The following MARCHF10 variants were observed in gnomAD, a reference collection of about 807,000 sequenced individuals.
MARCHF10 encodes probable E3 ubiquitin-protein ligase MARCHF10.
A neutral mutation model predicts 76.2 loss-of-function variants in MARCHF10; 64 were observed. The ratio of observed to expected loss-of-function variants is 0.84; its 90% CI spans 0.69 to 1.03. The LOEUF (loss-of-function observed/expected upper bound fraction) is 1.03, where lower values mean the gene tolerates loss of function less well. MARCHF10 is among the 50% of genes least tolerant of loss of function. The probability of loss-of-function intolerance (pLI) is 0.00; values close to 1 mark genes in which losing one functional copy is unlikely to be tolerated. For synonymous variants in MARCHF10, 340 were observed against 357.5 expected (o/e 0.95, Z 0.55); for missense variants, 875 against 958.0 (o/e 0.91, Z 1.14).
At chr17:62,766,840 G>C (rs1288566894) in intron 3 of MARCHF10, among the ~76,000 whole-genome samples, 1 of 150,202 alleles carries the variant, frequency 6.7e-6, no homozygotes, top group Non-Finnish European at 1.5e-5. Flanking sequence ...AGCTGACAAG[G>C]AGAGAGATAA....
intron 8 of MARCHF10, among the ~76,000 whole-genome samples, chr17:62,716,391 A>G (rs1379491390): frequency 2.0e-5 from 3 of 151,696 alleles, no homozygotes; most frequent in South Asian, 2.1e-4. Context: ...CAAGATTTTG[A>G]GACCAGCCTG....
At chr17:62,720,172 G>T (rs2090412160) in intron 8 of MARCHF10, among the ~76,000 whole-genome samples, 1 of 152,158 alleles carries the variant, frequency 6.6e-6, no homozygotes, top group Non-Finnish European at 1.5e-5. Context: ...TCTGAGTCTG[G>T]TTCTGGTGTT....
chr17:62,737,095 G>A lies in MARCHF10; in HGVS notation c.773C>T (p.Pro258Leu). The A allele has an allele frequency of 6.2e-7, 1 of 1,614,054 alleles. No individual in the cohort carries two copies. The highest frequency in any genetic ancestry group is 8.5e-7 in the Non-Finnish European group (1 of 1,180,018). The change falls in exon 6 of 11, where the codon CCC (proline) becomes CTC (leucine). Residue 258 changes from proline (P) to leucine (L), a missense_variant. Coordinates refer to ENST00000311269, the MANE Select transcript of MARCHF10 (RefSeq NM_152598.4). ...LSEFSGPPLT[P>L]TTVGGPRKAS... The stretch of plus-strand genomic sequence containing the variant: ...CTTTCTTGGCCCTCCTACAGTGGTG[G>A]GTGTGAGTGGTGGCCCCGAGAACTC...
chr17:62,798,153 A>G (rs2093015403), intron 2 of MARCHF10, among the ~76,000 whole-genome samples: 1 of 152,166 alleles, frequency 6.6e-6, no homozygotes. Context: ...TGGTGGTTGA[A>G]CCATAGCAGA....
intron 8 of MARCHF10, among the ~76,000 whole-genome samples, chr17:62,713,146 G>C (rs968798765): frequency 6.6e-6 from 1 of 152,096 alleles, no homozygotes; most frequent in Non-Finnish European, 1.5e-5. Flanking sequence ...TCCTCACCTG[G>C]CTTTTAGCTC....
chr17:62,721,380 CTG>C lies in MARCHF10; in HGVS notation c.2214+1106_2214+1107del, dbSNP rs564256624. On this transcript the variant is annotated intron_variant, in intron 8 of 10. Transcript: ENST00000311269. ...ATTACCCCCCTTTTTTTTTTTGGTA[CTG>C]TGTCTTTGAAATTTGGTGTGTATGT... is the stretch of plus-strand genomic sequence containing the variant. 2.8e-4 allele frequency among the ~76,000 whole-genome samples: 42 copies of C among 149,748 alleles called. No homozygotes were observed. The East Asian group carries it at 7.1e-3, about 25-fold the overall frequency.
chr17:62,756,122 T>C (rs1193676177), intron 4 of MARCHF10, among the ~76,000 whole-genome samples: 1 of 152,064 alleles, frequency 6.6e-6, no homozygotes, highest in Non-Finnish European at 1.5e-5. Context: ...GTGGCGCATG[T>C]CTGTAATCCC....
At chr17:62,745,275 C>T (rs756144828) in intron 4 of MARCHF10, among the ~76,000 whole-genome samples, 5 of 151,456 alleles carry the variant, frequency 3.3e-5, no homozygotes, top group East Asian at 2.0e-4. Flanking sequence ...AGCTAATTTT[C>T]GTATTTTTAG....
rs182799313 is a variant in MARCHF10 at position 62,736,974 on chromosome 17, T to C, written c.894A>G (p.Glu298=). 2 of 1,614,178 alleles carry C rather than the reference T, an allele frequency of 1.2e-6. No homozygotes were observed. The highest frequency in any genetic ancestry group is 1.7e-5 in the Admixed American group (1 of 60,008). The change falls in exon 6 of 11, where the codon GAA becomes GAG. Residue 298 remains glutamate, a synonymous_variant. Coordinates refer to ENST00000311269, the MANE Select transcript of MARCHF10 (RefSeq NM_152598.4). ...SDDTEEETQS[E]ECLWVGVRSP... is the part of the protein sequence containing the mutation. The stretch of plus-strand genomic sequence containing the variant: ...AGCGCACACCAACCCACAGACATTC[T>C]TCAGACTGGGTTTCCTCTTCAGTGT...
At chr17:62,710,306 T>C (rs2089847523) in intron 9 of MARCHF10, among the ~76,000 whole-genome samples, 1 of 152,252 alleles carries the variant, frequency 6.6e-6, no homozygotes, top group East Asian at 1.9e-4. Flanking sequence ...CAAAGGATCA[T>C]ATCCTGCTTC....
intron 8 of MARCHF10, among the ~76,000 whole-genome samples, chr17:62,718,556 C>T (rs979504942): frequency 6.6e-6 from 1 of 152,198 alleles, no homozygotes; most frequent in Admixed American, 6.5e-5. Context: ...CCCATCCTCA[C>T]GTGGACACGT....
At chr17:62,779,889 T>C (rs113422988) in intron 3 of MARCHF10, among the ~76,000 whole-genome samples, 3,611 of 152,184 alleles carry the variant, frequency 0.024, 150 homozygotes, top group African/African-American at 0.08. Context: ...CTGAGGTCAG[T>C]AGTTTGAAAC....
At chr17:62,761,636 G>A (rs1002089926) in intron 3 of MARCHF10, among the ~76,000 whole-genome samples, 3 of 152,054 alleles carry the variant, frequency 2.0e-5, no homozygotes, top group South Asian at 2.1e-4. Context: ...TGGCCAGGCT[G>A]GTCTCGAACT....
chr17:62,701,997 G>A (rs1251789834), intron 10 of MARCHF10, among the ~76,000 whole-genome samples: 5 of 152,258 alleles, frequency 3.3e-5, no homozygotes, highest in Admixed American at 6.5e-5. Context: ...CAGCATCTTG[G>A]TCATCTCCAC....
At chr17:62,806,605 G>A (rs1022756352) in intron 1 of MARCHF10, 16 of 152,196 alleles carry the variant, frequency 1.1e-4, no homozygotes, top group Non-Finnish European at 1.8e-4. Context: ...GAAGGAAGGA[G>A]GGGGTCCTGC....
chr17:62,725,563 C>T (rs1453414013), intron 6 of MARCHF10, among the ~76,000 whole-genome samples: 1 of 152,258 alleles, frequency 6.6e-6, no homozygotes, highest in Non-Finnish European at 1.5e-5. Context: ...CTGGGCCTGG[C>T]TGAGGCACAA....
intron 4 of MARCHF10, among the ~76,000 whole-genome samples, chr17:62,745,428 A>G (rs967588129): frequency 2.0e-5 from 3 of 152,088 alleles, no homozygotes; most frequent in African/African-American, 7.2e-5. Context: ...CTAGGTTCCA[A>G]TCCATAGGTG....
intron 2 of MARCHF10, among the ~76,000 whole-genome samples, chr17:62,795,415 A>T (rs1250859426): frequency 6.6e-6 from 1 of 151,878 alleles, no homozygotes; most frequent in Non-Finnish European, 1.5e-5. Flanking sequence ...TCCTTGAAGC[A>T]ATAAAGCCAA....
At chr17:62,786,573 T>C (rs2092751507) in intron 3 of MARCHF10, among the ~76,000 whole-genome samples, 1 of 152,318 alleles carries the variant, frequency 6.6e-6, no homozygotes, top group South Asian at 2.1e-4. Flanking sequence ...AATAAAATTA[T>C]TGGGAAATAA....
Sources: allele counts gnomAD v4.1 joint callset (sites outside exome capture counted in the v4.1 genomes callset), GRCh38; gene constraint gnomAD v4.1.1; transcripts MANE v1.5; gene names NCBI Gene and HGNC (gene_info 2026-07-23, HGNC 2026-07-21).